L3MBTL1: variants seen among roughly 807,000 people sequenced by gnomAD.
The protein encoded by L3MBTL1 is lethal(3)malignant brain tumor-like protein 1.
L3MBTL1 carries 75 observed loss-of-function variants against 105.3 expected under a neutral mutation model. The ratio of observed to expected loss-of-function variants is 0.71; its 90% confidence interval spans 0.59 to 0.86. The LOEUF (loss-of-function observed/expected upper bound fraction) is 0.86. Among genes scored for constraint, L3MBTL1 ranks in the 40% least tolerant of loss-of-function variants. The probability of loss-of-function intolerance (pLI) is 0.00; values close to 1 mark genes in which losing one functional copy is unlikely to be tolerated. For missense variants in L3MBTL1, 1,069 were observed against 1,126.4 expected, an observed-to-expected ratio of 0.95 and a Z score of 0.73; for synonymous variants, 452 against 436.2, an observed-to-expected ratio of 1.04 and a Z score of -0.45.
At chr20:43,514,568 C>T (rs779002971) in intron 3 of L3MBTL1, 67 bp from the exon 4 acceptor site, 3 of 1,595,064 alleles carry the variant, frequency 1.9e-6, no homozygotes, top group East Asian at 2.3e-5. Flanking sequence ...AGGGCCATGG[C>T]ACCGACTCCG....
intron 14 of L3MBTL1, 47 bp from the exon 15 acceptor site, chr20:43,534,237 C>T (rs1159816848): frequency 1.9e-6 from 3 of 1,585,880 alleles, no homozygotes; most frequent in Admixed American, 1.7e-5. Flanking sequence ...TGGGGCTCAG[C>T]TCTGCTGAGC....
At chr20:43,550,740 T>C (rs944589877) in exon 19 of L3MBTL1, 3 of 152,244 alleles carry the variant, frequency 2.0e-5, no homozygotes, top group Non-Finnish European at 4.4e-5. Flanking sequence ...AGTTTGCAAA[T>C]GAAGCCTTTT....
chr20:43,537,468 A>G (rs181213982), intron 19 of L3MBTL1, among the ~76,000 whole-genome samples: 4 of 149,486 alleles, frequency 2.7e-5, no homozygotes, highest in Admixed American at 1.3e-4. Flanking sequence ...GAATTGGATT[A>G]GGGCCCATCC....
At chr20:43,508,360 C>A (rs1017136608) in intron 1 of L3MBTL1, among the ~76,000 whole-genome samples, 4 of 152,156 alleles carry the variant, frequency 2.6e-5, no homozygotes, top group Admixed American at 6.5e-5. Flanking sequence ...TGGAACCCTG[C>A]GCTCAGGGCC....
At chr20:43,544,645 A>T (rs1307988724), downstream of L3MBTL1, among the ~76,000 whole-genome samples, 1 of 152,158 alleles carries the variant, frequency 6.6e-6, no homozygotes, top group Non-Finnish European at 1.5e-5. Flanking sequence ...AAGGAACCAT[A>T]TACCAGTGGG....
At chr20:43,530,452 A>G in intron 10 of L3MBTL1, 33 bp downstream of exon 10, 1 of 1,609,208 alleles carries the variant, frequency 6.2e-7, no homozygotes. Context: ...ACAGTGAGGC[A>G]GTGAGTCCTC....
chr20:43,541,045 GAGACAGGA>G lies in L3MBTL1; in HGVS notation c.2507_2514del (p.Glu836GlyfsTer17). The G allele has an allele frequency of 1.2e-6, 2 of 1,614,170 alleles. No homozygotes were observed. Among genetic ancestry groups the G allele is most frequent in the Non-Finnish European group, 1.7e-6 (2 of 1,180,032 alleles). Reference sequence around the variant, plus strand: ...TCTTCAGGAAGGAAAAGGCATCCTGGAGACAGGAGTCCATTCACTCCTCTGCTCTCTAC... The same window carrying G: ...TCTTCAGGAAGGAAAAGGCATCCTGGGTCCATTCACTCCTCTGCTCTCTAC... On this transcript the variant is annotated frameshift_variant, in exon 22 of 22. Transcript: ENST00000418998. LOFTEE classifies it low-confidence loss of function (END_TRUNC).
chr20:43,518,851 C>CAA lies in L3MBTL1; in HGVS notation c.862+2701_862+2702dup, dbSNP rs34529936. ...TGAAACCCCATCTCTACTAAAAATA[C>CAA]AAAAAAAAAAAAAAAAAAAAAAAAA... On this transcript the variant is annotated intron_variant, in intron 7 of 21. Coordinates refer to ENST00000418998, the MANE Select transcript of L3MBTL1 (RefSeq NM_001377303.1). Among the ~76,000 whole-genome samples the CAA allele has an allele frequency of 5.2e-3, 173 of 33,284 alleles. 25 individuals carry two copies. The highest frequency in any genetic ancestry group is 8.2e-3 in the Admixed American group (18 of 2,184). The allele number at this position is 33,284 out of a possible 152,430, so 21.8% of individuals were successfully genotyped here.
At chr20:43,514,560 G>A (rs1227230344) in intron 3 of L3MBTL1, 75 bp from the exon 4 acceptor site, 1 of 1,593,228 alleles carries the variant, frequency 6.3e-7, no homozygotes, top group South Asian at 1.1e-5. Flanking sequence ...GCGAAGAGAG[G>A]GCCATGGCAC....
At chr20:43,521,794 C>G (rs2018720143) in intron 7 of L3MBTL1, among the ~76,000 whole-genome samples, 1 of 152,184 alleles carries the variant, frequency 6.6e-6, no homozygotes, top group Admixed American at 6.6e-5. Context: ...TGCAAGCGAT[C>G]CTCCTGCCTC....
At chr20:43,516,009 G>A (rs2018368154) in intron 6 of L3MBTL1, 84 bp from the exon 7 acceptor site, 3 of 1,041,614 alleles carry the variant, frequency 2.9e-6, no homozygotes, top group African/African-American at 1.6e-5. Context: ...TGGCCAGAGA[G>A]CCAGGTAGGG....
Position 43,540,739 on chromosome 20 carries a change from C to G in L3MBTL1, c.2332-14C>G, listed in dbSNP as rs1391639176. ...CTCTGTCCCCTGGTCAACATGTCAT[C>G]TTTGGTTTCCAAGGTCTTCGGCTTT... On this transcript the variant is annotated splice_polypyrimidine_tract_variant and intron_variant, in intron 20 of 21. Transcript: ENST00000418998. 6.2e-7 allele frequency: 1 copy of G among 1,613,892 alleles called. No homozygotes were observed. Among genetic ancestry groups the G allele is most frequent in the Admixed American group, 1.7e-5 (1 of 60,004 alleles).
chr20:43,536,533 G>A, intron 19 of L3MBTL1, 75 bp downstream of exon 19: 11 of 1,523,688 alleles, frequency 7.2e-6, no homozygotes, highest in Non-Finnish European at 1.0e-5. Flanking sequence ...TTGGTGGGAT[G>A]AGACAGATTT....
chr20:43,527,245 G>A (rs1163467219), intron 7 of L3MBTL1, among the ~76,000 whole-genome samples: 2 of 152,318 alleles, frequency 1.3e-5, no homozygotes, highest in East Asian at 3.9e-4. Flanking sequence ...TGACAAAATA[G>A]AGGTGTAGAA....
In L3MBTL1 at chr20:43,540,760, GCTTTGTTCAGA is replaced by G. The variant is rs1568928743; in HGVS notation, c.2341_2351del (p.Phe781ProfsTer5). 1.9e-6 allele frequency: 3 copies of G among 1,614,068 alleles called. No homozygotes were observed. The highest frequency in any genetic ancestry group is 2.7e-5 in the African/African-American group (2 of 74,940). ...TCATCTTTGGTTTCCAAGGTCTTCG[GCTTTGTTCAGA>G]CCCTGACAGGTTGTGAGGACCAAGC... On this transcript the variant is annotated frameshift_variant, in exon 21 of 22. Transcript: ENST00000418998. LOFTEE classifies it high-confidence loss of function.
At chr20:43,513,738 C>T (rs986414557) in intron 2 of L3MBTL1, 99 bp downstream of exon 2, 2 of 1,532,854 alleles carry the variant, frequency 1.3e-6, no homozygotes, top group African/African-American at 2.8e-5. Context: ...TTTCACTGTC[C>T]TCCACCTGCC....
At position 43,529,364 on chromosome 20, in the gene L3MBTL1, C is replaced by A; in HGVS notation, c.1052C>A (p.Ala351Asp). The A allele has an allele frequency of 6.2e-7, 1 of 1,604,740 alleles. No homozygotes were observed. The highest frequency in any genetic ancestry group is 8.5e-7 in the Non-Finnish European group (1 of 1,173,166). ...HPSMYFILTVAEVCGYRLRLH... is the reference protein window; with the variant it reads ...HPSMYFILTVDEVCGYRLRLH... ...TCCATGTACTTCATCCTCACCGTGG[C>A]TGAGGTGAGCTGGGGCTTGGTACCA... The change falls in exon 9 of 22, where the codon GCT (alanine) becomes GAT (aspartate). Residue 351 changes from alanine (A) to aspartate (D), a missense_variant. Ala to Asp is a moderately radical substitution (Grantham distance 126). Transcript: ENST00000418998.
Position 43,536,400 on chromosome 20 carries a change from T to C in L3MBTL1, c.2124-9T>C. The C allele has an allele frequency of 6.2e-7, 1 of 1,614,060 alleles. No homozygotes were observed. Among genetic ancestry groups the C allele is most frequent in the Non-Finnish European group, 8.5e-7 (1 of 1,180,034 alleles). On this transcript the variant is annotated splice_polypyrimidine_tract_variant and intron_variant, in intron 18 of 21. Transcript: ENST00000418998. ...TTCCCTGCCATGGACCTGGTCCGTCTTTCTCCAGAATTGGACGCCCTCCGA... is the reference window on the plus strand; with the variant it reads ...TTCCCTGCCATGGACCTGGTCCGTCCTTCTCCAGAATTGGACGCCCTCCGA...
intron 7 of L3MBTL1, among the ~76,000 whole-genome samples, chr20:43,525,205 C>T (rs142450829): frequency 2.0e-5 from 3 of 151,656 alleles, no homozygotes; most frequent in African/African-American, 7.3e-5. Context: ...ACTAGGGTAA[C>T]GAATACCGAA....
Sources: gnomAD v4.1 joint callset for allele counts (sites outside exome capture counted in the v4.1 genomes callset) on GRCh38, gnomAD v4.1.1 for gene constraint, MANE v1.5 for transcripts, NCBI Gene and HGNC (gene_info 2026-07-23, HGNC 2026-07-21) for gene names.